The following FTCDNL1 variants were observed in gnomAD, a reference collection of about 807,000 sequenced individuals.
FTCDNL1 encodes formiminotransferase N-terminal subdomain-containing protein.
FTCDNL1 carries 11 observed loss-of-function variants against 5.9 expected under a neutral mutation model. The ratio of observed to expected loss-of-function variants is 1.87; its 90% CI spans 1.18 to 3.10. The LOEUF is 3.10. FTCDNL1 is among the 30% of genes most tolerant of loss of function. The pLI, the probability that FTCDNL1 is intolerant of heterozygous loss-of-function variation, is 0.00. For missense variants in FTCDNL1, 115 were observed against 65.5 expected, an observed-to-expected ratio of 1.76 and a Z score of -2.61; for synonymous variants, 58 against 24.8, an observed-to-expected ratio of 2.34 and a Z score of -3.99.
intron 3 of FTCDNL1, among the ~76,000 whole-genome samples, chr2:199,791,082 T>A (rs928584221): frequency 6.6e-6 from 1 of 152,034 alleles, no homozygotes; most frequent in African/African-American, 2.4e-5. Context: ...ACATGAAACA[T>A]TAAGAAGCCA....
At chr2:199,730,539 A>G in the FTCDNL1 span, among the ~76,000 whole-genome samples, 32 of 152,370 alleles carry the variant, frequency 2.1e-4, no homozygotes, top group African/African-American at 7.7e-4. Context: ...AAGGATATGA[A>G]CAGACACTTC....
intron 3 of FTCDNL1, among the ~76,000 whole-genome samples, chr2:199,776,556 C>A (rs563630239): frequency 6.6e-5 from 10 of 152,142 alleles, no homozygotes; most frequent in Non-Finnish European, 1.5e-4. Context: ...TCAAAGGTAC[C>A]ACTCGGGTCC....
At chr2:199,814,234 T>G (rs1158757255) in intron 4 of FTCDNL1, among the ~76,000 whole-genome samples, 4 of 152,132 alleles carry the variant, frequency 2.6e-5, no homozygotes, top group African/African-American at 9.7e-5. Context: ...GCCATAAAAC[T>G]CAAACATAAT....
At chr2:199,674,619 C>G in the FTCDNL1 span, among the ~76,000 whole-genome samples, 2 of 152,138 alleles carry the variant, frequency 1.3e-5, no homozygotes, top group Non-Finnish European at 2.9e-5. Flanking sequence ...ATTCCTTAGC[C>G]CAGTATGCAT....
chr2:199,751,878 C>A, the FTCDNL1 span, among the ~76,000 whole-genome samples: 1 of 42,054 alleles, frequency 2.4e-5, no homozygotes. Flanking sequence ...CTGCCTGAAT[C>A]AGGATTTTTT....
At chr2:199,805,626 C>T (rs1319795944), downstream of FTCDNL1, among the ~76,000 whole-genome samples, 2 of 152,090 alleles carry the variant, frequency 1.3e-5, no homozygotes, top group South Asian at 2.1e-4. Context: ...GTAATCCCAG[C>T]TACTCCAGAG....
At chr2:199,770,162 T>C (rs1267173449) in intron 3 of FTCDNL1, among the ~76,000 whole-genome samples, 1 of 152,240 alleles carries the variant, frequency 6.6e-6, no homozygotes, top group Non-Finnish European at 1.5e-5. Context: ...CTTGATCCTG[T>C]GTTGGCTCAA....
chr2:199,732,930 C>T, the FTCDNL1 span, among the ~76,000 whole-genome samples: 1 of 152,188 alleles, frequency 6.6e-6, no homozygotes, highest in South Asian at 2.1e-4. Flanking sequence ...AAAAGACTAG[C>T]ATGACTCCTA....
chr2:199,758,791 C>T (rs1193555243), downstream of FTCDNL1, among the ~76,000 whole-genome samples: 1 of 152,050 alleles, frequency 6.6e-6, no homozygotes, highest in Non-Finnish European at 1.5e-5. Context: ...GAGATGGGCC[C>T]CAAAAATCTA....
At chr2:199,826,072 C>G (rs963987913) in intron 3 of FTCDNL1, among the ~76,000 whole-genome samples, 2 of 152,222 alleles carry the variant, frequency 1.3e-5, no homozygotes, top group African/African-American at 4.8e-5. Context: ...CTACTAAATA[C>G]ATGTTTCCTG....
At chr2:199,825,104 C>T (rs963543602) in intron 3 of FTCDNL1, among the ~76,000 whole-genome samples, 2 of 149,618 alleles carry the variant, frequency 1.3e-5, no homozygotes, top group African/African-American at 4.9e-5. Flanking sequence ...TGCCACTGCA[C>T]TCCAGCCTGG....
the FTCDNL1 span, among the ~76,000 whole-genome samples, chr2:199,668,006 A>G: frequency 6.6e-6 from 1 of 152,178 alleles, no homozygotes. Context: ...CTAAAATACT[A>G]TTAGTAGAGA....
chr2:199,752,495 T>A, the FTCDNL1 span, among the ~76,000 whole-genome samples: 249 of 152,312 alleles, frequency 1.6e-3, 1 homozygote, highest in Non-Finnish European at 2.7e-3. Flanking sequence ...ATCCATAATG[T>A]AGGTGAGCCT....
At chr2:199,841,010 G>A (rs1439975047) in intron 3 of FTCDNL1, among the ~76,000 whole-genome samples, 1 of 152,028 alleles carries the variant, frequency 6.6e-6, no homozygotes, top group Non-Finnish European at 1.5e-5. Flanking sequence ...AATGAGCCAG[G>A]TGTGGTGGCA....
chr2:199,802,567 T>C (rs1700511142), intron 3 of FTCDNL1, among the ~76,000 whole-genome samples: 1 of 152,220 alleles, frequency 6.6e-6, no homozygotes, highest in Non-Finnish European at 1.5e-5. Flanking sequence ...AGCAGCAGTG[T>C]TGGCCTCACC....
chr2:199,796,729 G>C (rs1700190983), intron 3 of FTCDNL1, among the ~76,000 whole-genome samples: 1 of 151,916 alleles, frequency 6.6e-6, no homozygotes, highest in Admixed American at 6.6e-5. Context: ...TACAAAATTT[G>C]CTCATGCAGT....
chr2:199,819,803 A>C (rs1438258736), intron 3 of FTCDNL1, 46 bp from the exon 4 acceptor site: 2 of 674,296 alleles, frequency 3.0e-6, no homozygotes, highest in South Asian at 3.1e-5. Context: ...AATCAAGCCA[A>C]ATTTTAAAAA....
At chr2:199,664,542 C>T in the FTCDNL1 span, among the ~76,000 whole-genome samples, 1 of 152,292 alleles carries the variant, frequency 6.6e-6, no homozygotes, top group East Asian at 1.9e-4. Flanking sequence ...AGCATAAAAT[C>T]CATTATAATA....
the FTCDNL1 span, among the ~76,000 whole-genome samples, chr2:199,691,313 C>T: frequency 6.6e-6 from 1 of 152,192 alleles, no homozygotes; most frequent in Non-Finnish European, 1.5e-5. Flanking sequence ...GCTGGGATTA[C>T]AGGCATGCGC....
Sources: gnomAD v4.1 joint callset for allele counts (sites outside exome capture counted in the v4.1 genomes callset) on GRCh38, gnomAD v4.1.1 for gene constraint, MANE v1.5 for transcripts, NCBI Gene and HGNC (gene_info 2026-07-23, HGNC 2026-07-21) for gene names.